The following CCDC138 variants were observed in gnomAD, a reference collection of about 807,000 sequenced individuals.
CCDC138 encodes the protein coiled-coil domain-containing protein 138.
Under a neutral mutation model 82.3 loss-of-function variants are expected in CCDC138, and 66 were observed. The observed-to-expected ratio is 0.80, with a 90% confidence interval of 0.66 to 0.98. The LOEUF (loss-of-function observed/expected upper bound fraction) is 0.98. CCDC138 is among the 50% of genes least tolerant of loss of function. The pLI, the probability that CCDC138 is intolerant of heterozygous loss-of-function variation, is 0.00. For synonymous variants in CCDC138, 297 were observed against 265.4 expected, an observed-to-expected ratio of 1.12 and a Z score of -1.16; for missense variants, 816 against 758.9, an observed-to-expected ratio of 1.08 and a Z score of -0.88.
At chr2:108,839,387 A>C in intron 11 of CCDC138, 86 bp downstream of exon 11, 1 of 1,141,370 alleles carries the variant, frequency 8.8e-7, no homozygotes, top group Non-Finnish European at 1.2e-6. Context: ...TGTTTTGAAT[A>C]TATTCTCTGT....
At chr2:108,786,945 G>A in intron 1 of CCDC138, 30 bp downstream of exon 1, 1 of 1,443,604 alleles carries the variant, frequency 6.9e-7, no homozygotes, top group South Asian at 1.3e-5. Context: ...TCCGCGGGTG[G>A]GCTCCTGCTG....
At chr2:108,826,937 A>T (rs928345310) in intron 10 of CCDC138, among the ~76,000 whole-genome samples, 7 of 152,142 alleles carry the variant, frequency 4.6e-5, no homozygotes, top group African/African-American at 1.7e-4. Flanking sequence ...TCTCGTTTTC[A>T]GGGTATAAGT....
intron 10 of CCDC138, among the ~76,000 whole-genome samples, chr2:108,825,615 T>C (rs982488671): frequency 6.6e-6 from 1 of 152,206 alleles, no homozygotes; most frequent in Admixed American, 6.5e-5. Context: ...AATTCACTCA[T>C]GTTGTCACAT....
chr2:108,856,806 C>A lies in CCDC138; in HGVS notation c.1529C>A (p.Ala510Asp). The change falls in exon 13 of 15, where the codon GCT (alanine) becomes GAT (aspartate). Residue 510 changes from alanine to aspartate, a missense_variant. Physicochemically the swap from Ala to Asp is moderately radical, Grantham distance 126. Transcript: ENST00000295124. The part of the protein sequence containing the change: ...LKTVTQADYL[A>D]QAFDSLCLDL... ...AACTATTTTCCAGCTGATTACCTGG[C>A]TCAGGCATTTGATTCTCTTTGTTTG... is the stretch of plus-strand genomic sequence containing the variant. 6.2e-7 allele frequency: 1 copy of A among 1,613,034 alleles called. No individual in the cohort carries two copies. Among genetic ancestry groups the A allele is most frequent in the South Asian group, 1.1e-5 (1 of 90,854 alleles).
intron 2 of CCDC138, 109 bp from the exon 3 acceptor site, chr2:108,788,743 T>C: frequency 7.1e-7 from 1 of 1,401,300 alleles, no homozygotes; most frequent in Non-Finnish European, 9.5e-7. Flanking sequence ...GAAAAAAAAA[T>C]TTGAGAGAGA....
downstream of CCDC138, among the ~76,000 whole-genome samples, chr2:108,880,618 C>G (rs2105345990): frequency 6.6e-6 from 1 of 152,176 alleles, no homozygotes; most frequent in Non-Finnish European, 1.5e-5. Flanking sequence ...ATCCTAGGGC[C>G]CTTAAGAATT....
At chr2:108,831,456 T>A (rs540077633) in intron 10 of CCDC138, among the ~76,000 whole-genome samples, 16 of 152,196 alleles carry the variant, frequency 1.1e-4, no homozygotes, top group Non-Finnish European at 2.2e-4. Flanking sequence ...ATATAAATAC[T>A]GTCGGAAGAG....
intron 7 of CCDC138, among the ~76,000 whole-genome samples, chr2:108,806,537 T>A (rs1207693245): frequency 1.3e-5 from 2 of 152,212 alleles, no homozygotes; most frequent in Non-Finnish European, 2.9e-5. Flanking sequence ...AAGGACTAGA[T>A]AGTAAGTACT....
chr2:108,836,742 CTGT>C (rs1482307054), intron 10 of CCDC138, among the ~76,000 whole-genome samples: 1 of 152,018 alleles, frequency 6.6e-6, no homozygotes, highest in African/African-American at 2.4e-5. Context: ...TTTTTCATCA[CTGT>C]TTTGTGGTTT....
At chr2:108,832,764 CTAG>C (rs1687918491) in intron 10 of CCDC138, among the ~76,000 whole-genome samples, 1 of 152,068 alleles carries the variant, frequency 6.6e-6, no homozygotes, top group South Asian at 2.1e-4. Context: ...AGACAGACAC[CTAG>C]TAGTTGAAGG....
At chr2:108,830,040 G>A (rs1687296075) in intron 10 of CCDC138, among the ~76,000 whole-genome samples, 1 of 152,206 alleles carries the variant, frequency 6.6e-6, no homozygotes, top group Non-Finnish European at 1.5e-5. Context: ...CCATGGATGA[G>A]TGGATAAACA....
chr2:108,796,537 A>G (rs1680930841), intron 5 of CCDC138, among the ~76,000 whole-genome samples: 1 of 152,214 alleles, frequency 6.6e-6, no homozygotes, highest in African/African-American at 2.4e-5. Flanking sequence ...TCCCTTGTTC[A>G]TTGCAGCTCT....
At chr2:108,850,164 A>T (rs112093257) in intron 12 of CCDC138, among the ~76,000 whole-genome samples, 1,872 of 152,312 alleles carry the variant, frequency 0.012, 18 homozygotes, top group Non-Finnish European at 0.02. Context: ...AGAACTAAAC[A>T]TTTAAACATA....
intron 5 of CCDC138, among the ~76,000 whole-genome samples, chr2:108,796,800 G>C (rs1680987970): frequency 6.6e-6 from 1 of 152,128 alleles, no homozygotes; most frequent in Admixed American, 6.5e-5. Context: ...GAGATGGAAT[G>C]GTGGTTACCA....
At chr2:108,871,241 A>G (rs1172861387) in intron 13 of CCDC138, among the ~76,000 whole-genome samples, 1 of 151,940 alleles carries the variant, frequency 6.6e-6, no homozygotes, top group Non-Finnish European at 1.5e-5. Flanking sequence ...TTTTAAAATT[A>G]TAAGTTCCTA....
intron 6 of CCDC138, among the ~76,000 whole-genome samples, chr2:108,800,308 A>G (rs1681681733): frequency 6.6e-6 from 1 of 152,192 alleles, no homozygotes. Context: ...TCTGTCATCC[A>G]GGCTGGAGTA....
At chr2:108,862,485 T>C (rs1032921730) in intron 13 of CCDC138, among the ~76,000 whole-genome samples, 1 of 152,186 alleles carries the variant, frequency 6.6e-6, no homozygotes, top group Non-Finnish European at 1.5e-5. Flanking sequence ...ACCTGTATAA[T>C]GTGGTGATTA....
chr2:108,871,258 T>A (rs553901593), intron 13 of CCDC138, among the ~76,000 whole-genome samples: 38 of 150,640 alleles, frequency 2.5e-4, no homozygotes, highest in African/African-American at 8.5e-4. Flanking sequence ...CCTAGCCAGG[T>A]GTGGTGTCTC....
intron 6 of CCDC138, among the ~76,000 whole-genome samples, chr2:108,804,113 TATAAGG>T (rs1235541585): frequency 5.9e-5 from 9 of 152,172 alleles, no homozygotes; most frequent in Admixed American, 5.9e-4. Flanking sequence ...TTTTATTAAG[TATAAGG>T]ATAACTGCCT....
Sources: allele counts gnomAD v4.1 joint callset (sites outside exome capture counted in the v4.1 genomes callset), GRCh38; gene constraint gnomAD v4.1.1; transcripts MANE v1.5; gene names NCBI Gene and HGNC (gene_info 2026-07-23, HGNC 2026-07-21).